The following ZBTB20 variants were observed in gnomAD, a reference collection of about 807,000 sequenced individuals.
ZBTB20 encodes zinc finger and BTB domain containing 20, also known as zinc finger and BTB domain-containing protein 20.
ZBTB20 carries 9 observed loss-of-function variants against 56.9 expected under a neutral mutation model. The observed-to-expected ratio is 0.16, with a 90% CI of 0.10 to 0.28. The LOEUF is 0.28. ZBTB20 is among the 10% of genes least tolerant of loss of function. The pLI, the probability that ZBTB20 is intolerant of heterozygous loss-of-function variation, is 1.00. For synonymous variants in ZBTB20, 417 were observed against 420.7 expected (o/e 0.99, Z 0.11); for missense variants, 655 against 1,003.0 (o/e 0.65, Z 4.69).
chr3:115,133,753 G>T (rs2084576898), intron 1 of ZBTB20, among the ~76,000 whole-genome samples: 1 of 152,092 alleles, frequency 6.6e-6, no homozygotes, highest in Non-Finnish European at 1.5e-5. Context: ...TATCATAGAT[G>T]AATAATTTTT....
chr3:114,402,193 G>A (rs1048751801), intron 7 of ZBTB20, among the ~76,000 whole-genome samples: 1 of 152,106 alleles, frequency 6.6e-6, no homozygotes, highest in Non-Finnish European at 1.5e-5. Flanking sequence ...CCCACTTTGA[G>A]GACCAGCACC....
At chr3:114,534,703 T>C (rs991572822) in intron 6 of ZBTB20, among the ~76,000 whole-genome samples, 10 of 152,092 alleles carry the variant, frequency 6.6e-5, no homozygotes, top group African/African-American at 2.4e-4. Context: ...CTCAGCACCA[T>C]ATCACACTTA....
intron 7 of ZBTB20, among the ~76,000 whole-genome samples, chr3:114,421,523 G>A (rs572241869): frequency 6.6e-6 from 1 of 152,226 alleles, no homozygotes; most frequent in South Asian, 2.1e-4. Context: ...TTTTGTACTG[G>A]GTCATGCCGT....
At chr3:114,609,450 G>GA (rs1242297296) in intron 6 of ZBTB20, among the ~76,000 whole-genome samples, 1 of 152,052 alleles carries the variant, frequency 6.6e-6, no homozygotes, top group Admixed American at 6.5e-5. Flanking sequence ...AAAAACACAA[G>GA]CCTGCTCTGC....
At chr3:114,776,078 T>C (rs1263518641) in intron 5 of ZBTB20, among the ~76,000 whole-genome samples, 1 of 149,984 alleles carries the variant, frequency 6.7e-6, no homozygotes, top group Non-Finnish European at 1.5e-5. Context: ...GACAGGAAAG[T>C]TAAGCCTTTG....
chr3:114,705,303 T>C (rs1487756776), intron 5 of ZBTB20, among the ~76,000 whole-genome samples: 1 of 152,092 alleles, frequency 6.6e-6, no homozygotes, highest in East Asian at 1.9e-4. Flanking sequence ...TAAAGGGAAG[T>C]AGAGCAGGTA....
At chr3:114,981,267 G>T (rs980220662) in intron 2 of ZBTB20, among the ~76,000 whole-genome samples, 1 of 152,038 alleles carries the variant, frequency 6.6e-6, no homozygotes, top group Admixed American at 6.6e-5. Context: ...AATGTTTGAA[G>T]TTCCTTCAGA....
intron 5 of ZBTB20, among the ~76,000 whole-genome samples, chr3:114,751,957 A>G (rs2067597635): frequency 6.6e-6 from 1 of 152,126 alleles, no homozygotes; most frequent in Admixed American, 6.5e-5. Context: ...GACAAAATAT[A>G]TTTTCAGCAA....
chr3:114,745,051 A>T (rs1290044722), intron 5 of ZBTB20, among the ~76,000 whole-genome samples: 1 of 152,248 alleles, frequency 6.6e-6, no homozygotes, highest in Non-Finnish European at 1.5e-5. Context: ...AATGTGTGGC[A>T]GAGAAACTAC....
intron 6 of ZBTB20, among the ~76,000 whole-genome samples, chr3:114,594,794 G>A (rs2107588578): frequency 6.6e-6 from 1 of 152,244 alleles, no homozygotes; most frequent in African/African-American, 2.4e-5. Flanking sequence ...ATCTTGAGGT[G>A]AAGTTTTGGC....
intron 5 of ZBTB20, among the ~76,000 whole-genome samples, chr3:114,717,179 G>C (rs1287867459): frequency 6.6e-6 from 1 of 152,112 alleles, no homozygotes; most frequent in Non-Finnish European, 1.5e-5. Context: ...TAGCATTCTT[G>C]TGAGGGCTAA....
At chr3:114,918,855 C>G (rs1424637549) in intron 3 of ZBTB20, among the ~76,000 whole-genome samples, 1 of 152,190 alleles carries the variant, frequency 6.6e-6, no homozygotes, top group East Asian at 1.9e-4. Flanking sequence ...GAAGCCCTCC[C>G]TTGGCCACCC....
chr3:114,453,461 T>C (rs905590156), intron 7 of ZBTB20: 3 of 152,200 alleles, frequency 2.0e-5, no homozygotes, highest in Non-Finnish European at 2.9e-5. Context: ...ATGTACCCCA[T>C]TGGTATTTTG....
chr3:114,565,210 T>G (rs145955962), intron 6 of ZBTB20, among the ~76,000 whole-genome samples: 1 of 152,212 alleles, frequency 6.6e-6, no homozygotes, highest in African/African-American at 2.4e-5. Context: ...ACTTTTGACA[T>G]GAAACACGCA....
At chr3:115,110,368 T>C (rs2083841591) in intron 1 of ZBTB20, among the ~76,000 whole-genome samples, 2 of 152,362 alleles carry the variant, frequency 1.3e-5, no homozygotes, top group South Asian at 4.1e-4. Flanking sequence ...GTATCTTTTA[T>C]TTTTAAGAAA....
At chr3:115,069,161 A>C (rs901089514) in intron 2 of ZBTB20, among the ~76,000 whole-genome samples, 3 of 152,182 alleles carry the variant, frequency 2.0e-5, no homozygotes, top group Non-Finnish European at 4.4e-5. Context: ...TCATTAATGA[A>C]AACTTACAAC....
intron 6 of ZBTB20, among the ~76,000 whole-genome samples, chr3:114,655,122 C>A (rs2060324508): frequency 6.6e-6 from 1 of 152,022 alleles, no homozygotes; most frequent in African/African-American, 2.4e-5. Flanking sequence ...AGTATTTATA[C>A]CATTTACAGT....
At chr3:114,391,782 C>T (rs9859304) in intron 7 of ZBTB20, among the ~76,000 whole-genome samples, 53,953 of 151,988 alleles carry the variant, frequency 0.35, 9,987 homozygotes, top group Non-Finnish European at 0.41. Context: ...ATTTTTCAGA[C>T]GAAGAGATGA....
chr3:114,800,993 G>T (rs2071663624), intron 5 of ZBTB20, 108 bp downstream of exon 5: 1 of 151,594 alleles, frequency 6.6e-6, no homozygotes, highest in African/African-American at 2.4e-5. Flanking sequence ...ATTTCTTCAG[G>T]GACATTCAAA....
Sources: gnomAD v4.1 joint callset for allele counts (sites outside exome capture counted in the v4.1 genomes callset) on GRCh38, gnomAD v4.1.1 for gene constraint, MANE v1.5 for transcripts, NCBI Gene and HGNC (gene_info 2026-07-23, HGNC 2026-07-21) for gene names.